The following MEIKIN variants were observed in gnomAD, a reference collection of about 807,000 sequenced individuals.
MEIKIN encodes meiotic kinetochore factor.
At chr5:131,860,531 C>CG (rs1750266260) in intron 9 of MEIKIN, among the ~76,000 whole-genome samples, 1 of 151,078 alleles carries the variant, frequency 6.6e-6, no homozygotes, top group Non-Finnish European at 1.5e-5. Context: ...CTGCAACCTC[C>CG]GCCTCCCAGG....
chr5:131,905,849 C>T (rs1467549720), intron 8 of MEIKIN, among the ~76,000 whole-genome samples: 1 of 152,168 alleles, frequency 6.6e-6, no homozygotes, highest in Non-Finnish European at 1.5e-5. Flanking sequence ...CTGGAGATCC[C>T]TTCCTTACAC....
chr5:131,839,024 C>T (rs1432503477), intron 11 of MEIKIN, among the ~76,000 whole-genome samples: 11 of 152,008 alleles, frequency 7.2e-5, no homozygotes, highest in Admixed American at 3.3e-4. Flanking sequence ...CTGCCTTAGC[C>T]GTGTCCTAGA....
rs146849409 is a variant in MEIKIN at position 131,857,101 on chromosome 5, G to A, written c.775-2267C>T. ...AAAAGCAGACCTATAGTGGGAAGAC[G>A]GAACCTTGACTTTTAGATAATGAGA... On this transcript the variant is annotated intron_variant, in intron 9 of 12. Transcript: ENST00000442687. Among the ~76,000 whole-genome samples the A allele has an allele frequency of 5.5e-3, 836 of 151,972 alleles. 12 individuals are homozygous for A. Among genetic ancestry groups the A allele is most frequent in the African/African-American group, 0.019 (800 of 41,496 alleles).
intron 9 of MEIKIN, among the ~76,000 whole-genome samples, chr5:131,860,897 G>A (rs1750275185): frequency 6.6e-6 from 1 of 151,124 alleles, no homozygotes. Flanking sequence ...GAGTAGCTGG[G>A]ATTACAGGCA....
chr5:131,811,907 C>T (rs1029711795), intron 12 of MEIKIN, among the ~76,000 whole-genome samples: 2 of 152,198 alleles, frequency 1.3e-5, no homozygotes, highest in African/African-American at 4.8e-5. Context: ...CCAACTTCTT[C>T]TTAAAGTATA....
chr5:131,891,833 T>C (rs1314930389), intron 8 of MEIKIN, among the ~76,000 whole-genome samples: 1 of 152,348 alleles, frequency 6.6e-6, no homozygotes, highest in East Asian at 1.9e-4. Flanking sequence ...CAATTTGGCA[T>C]GTTTTTGCAG....
chr5:131,875,436 A>T (rs889548364), intron 9 of MEIKIN, among the ~76,000 whole-genome samples: 18 of 152,248 alleles, frequency 1.2e-4, no homozygotes, highest in African/African-American at 3.9e-4. Context: ...CCAACTTACA[A>T]GGGACGTGAA....
rs546090396 is a variant in MEIKIN, at chr5:131,892,445, C to T, written c.704-13397G>A. ...ATTCTTTTTTCTCTAAAATTCTCTTCTCACTTCATTTCATTCATTTCATCT... is the reference window on the plus strand; with the variant it reads ...ATTCTTTTTTCTCTAAAATTCTCTTTTCACTTCATTTCATTCATTTCATCT... On this transcript the variant is annotated intron_variant, in intron 8 of 12. Coordinates refer to ENST00000442687, the MANE Select transcript of MEIKIN (RefSeq NM_001303622.2). 9.2e-5 allele frequency among the ~76,000 whole-genome samples: 14 copies of T among 152,308 alleles called. No homozygotes were observed. The South Asian group carries it at 2.5e-3, about 27-fold the overall frequency.
chr5:131,864,682 A>G (rs1750353700), intron 9 of MEIKIN, among the ~76,000 whole-genome samples: 2 of 152,190 alleles, frequency 1.3e-5, no homozygotes, highest in Non-Finnish European at 2.9e-5. Flanking sequence ...TTTGACTACA[A>G]TATGCCATGG....
intron 9 of MEIKIN, among the ~76,000 whole-genome samples, chr5:131,875,542 T>A (rs1750596380): frequency 1.3e-5 from 2 of 152,100 alleles, no homozygotes; most frequent in African/African-American, 4.8e-5. Flanking sequence ...GTAGGAATAA[T>A]CAATATCGTG....
rs1043097217 is a variant in MEIKIN, at chr5:131,807,008, A to G, written c.*228T>C. ...CCAATGATTTGGTTCTTTATCTTTT[A>G]ATATAAATACATATATTTAAGAAGC... On this transcript the variant is annotated 3_prime_UTR_variant, in exon 13 of 13. Transcript: ENST00000442687. 2 of 342,450 alleles carry G rather than the reference A, an allele frequency of 5.8e-6. No homozygotes were observed. Among genetic ancestry groups the G allele is most frequent in the African/African-American group, 4.2e-5 (2 of 47,482 alleles). The allele number at this position is 342,450 out of a possible 1,614,324, so 21.2% of individuals were successfully genotyped here.
intron 11 of MEIKIN, among the ~76,000 whole-genome samples, chr5:131,839,258 T>C (rs2149610291): frequency 6.6e-6 from 1 of 152,206 alleles, no homozygotes; most frequent in South Asian, 2.1e-4. Flanking sequence ...TGCTGAGGAG[T>C]GCTTTATTTT....
intron 8 of MEIKIN, among the ~76,000 whole-genome samples, chr5:131,885,928 A>C (rs1750787848): frequency 6.6e-6 from 1 of 152,202 alleles, no homozygotes; most frequent in South Asian, 2.1e-4. Flanking sequence ...ACAGAGAAGA[A>C]ATTCAGAATT....
chr5:131,861,540 G>A lies in MEIKIN; in HGVS notation c.775-6706C>T, dbSNP rs1009739769. Among the ~76,000 whole-genome samples, 12 of 152,274 alleles carry A rather than the reference G, an allele frequency of 7.9e-5. No homozygotes were observed. The South Asian group carries it at 1.0e-3, about 13-fold the overall frequency. ...GGGCATTCTTGTCTTGTTCTTAGAG[G>A]AAAGGCTTTCAACTTTTCCCCATTC... is the stretch of plus-strand genomic sequence containing the variant. On this transcript the variant is annotated intron_variant, in intron 9 of 12. Coordinates refer to ENST00000442687, the MANE Select transcript of MEIKIN (RefSeq NM_001303622.2).
chr5:131,915,946 C>A (rs1408138299), intron 7 of MEIKIN, among the ~76,000 whole-genome samples: 7 of 152,072 alleles, frequency 4.6e-5, no homozygotes, highest in Non-Finnish European at 1.0e-4. Context: ...TGCTCCATTT[C>A]AATACATAGG....
At chr5:131,857,308 C>G (rs958632362) in intron 9 of MEIKIN, among the ~76,000 whole-genome samples, 1 of 152,054 alleles carries the variant, frequency 6.6e-6, no homozygotes, top group Non-Finnish European at 1.5e-5. Context: ...AAAAAAATAA[C>G]GTCACACATT....
intron 11 of MEIKIN, among the ~76,000 whole-genome samples, chr5:131,825,459 G>T: frequency 6.6e-6 from 1 of 152,154 alleles, no homozygotes; most frequent in Admixed American, 6.5e-5. Context: ...AGGAGCAGTT[G>T]TCCTCCAGTG....
At chr5:131,910,089 A>G (rs1332939929) in intron 8 of MEIKIN, among the ~76,000 whole-genome samples, 2 of 152,212 alleles carry the variant, frequency 1.3e-5, no homozygotes, top group Non-Finnish European at 2.9e-5. Context: ...AACAAAAGGA[A>G]ATCAGTGTAT....
intron 9 of MEIKIN, among the ~76,000 whole-genome samples, chr5:131,863,994 GT>G (rs1750335661): frequency 6.6e-6 from 1 of 152,078 alleles, no homozygotes; most frequent in Admixed American, 6.6e-5. Flanking sequence ...TCTCGGGTAT[GT>G]TTTTATCAGC....
Sources: allele counts gnomAD v4.1 joint callset (sites outside exome capture counted in the v4.1 genomes callset), GRCh38; gene constraint gnomAD v4.1.1; transcripts MANE v1.5; gene names NCBI Gene and HGNC (gene_info 2026-07-23, HGNC 2026-07-21).